STRN: variants seen among roughly 807,000 people sequenced by gnomAD.
STRN encodes the protein striatin, also known as protein phosphatase 2 regulatory subunit B'''alpha.
Under a neutral mutation model 96.3 loss-of-function variants are expected in STRN, and 53 were observed. That is an observed-to-expected ratio of 0.55 (90% confidence interval 0.44 to 0.69). STRN has a LOEUF of 0.69. Among genes scored for constraint, STRN ranks in the 30% least tolerant of loss-of-function variants. STRN has a pLI of 0.00. For missense variants in STRN, 987 were observed against 963.9 expected (o/e 1.02, Z -0.32); for synonymous variants, 428 against 355.9 (o/e 1.20, Z -2.28).
chr2:36,939,575 G>T (rs1392907344), intron 1 of STRN, among the ~76,000 whole-genome samples: 1 of 151,396 alleles, frequency 6.6e-6, no homozygotes, highest in Non-Finnish European at 1.5e-5. Flanking sequence ...CAGTGACAGG[G>T]TCTCAGTATG....
At chr2:36,950,705 T>A (rs545576950) in intron 1 of STRN, among the ~76,000 whole-genome samples, 2 of 152,264 alleles carry the variant, frequency 1.3e-5, no homozygotes, top group African/African-American at 2.4e-5. Context: ...ACCAAAAACC[T>A]TGATGAAAAA....
At position 36,966,434 on chromosome 2, in the gene STRN, G is replaced by A. The variant is rs768447356; in HGVS notation, c.30C>T (p.Phe10=). Residue 10 remains phenylalanine, a synonymous_variant, in exon 1 of 18, where the codon TTC becomes TTT. Coordinates refer to ENST00000263918, the MANE Select transcript of STRN (RefSeq NM_003162.4). MDEQAGPGV[F]FSNNHPGAGG... ...CGGCGCCCGGGTGGTTGTTGCTGAA[G>A]AAGACGCCGGGACCCGCCTGCTCGT... The A allele has an allele frequency of 4.1e-6, 6 of 1,466,564 alleles. No homozygotes were observed. Among genetic ancestry groups the A allele is most frequent in the African/African-American group, 2.9e-5 (2 of 68,036 alleles). 90.8% of individuals were successfully genotyped at this position (1,466,564 alleles called of 1,614,324 possible).
chr2:36,850,848 T>G (rs538001072), intron 16 of STRN, 152 bp downstream of exon 16: 118 of 559,832 alleles, frequency 2.1e-4, no homozygotes, highest in Middle Eastern at 4.8e-4. Context: ...CAGATTTGGA[T>G]AGAGTGAAGA....
rs1668470026 is a variant in STRN at position 36,861,181 on chromosome 2, G to A, written c.1620C>T (p.Ile540=). 1 of 1,613,810 alleles carries A rather than the reference G, an allele frequency of 6.2e-7. No homozygotes were observed. Among genetic ancestry groups the A allele is most frequent in the African/African-American group, 1.3e-5 (1 of 74,832 alleles). Residue 540 remains isoleucine, a synonymous_variant, in exon 13 of 18, where the codon ATC becomes ATT. Coordinates refer to ENST00000263918, the MANE Select transcript of STRN (RefSeq NM_003162.4). The stretch of plus-strand genomic sequence containing the variant: ...TGGGATTAGTGGTATTCCAGCCCTG[G>A]ATCAGTCCATCAGTACCACCACTGT... ...QCYSGGTDGL[I]QGWNTTNPNI... is the part of the protein sequence containing the mutation.
chr2:36,928,355 A>G (rs1466385163), intron 1 of STRN, among the ~76,000 whole-genome samples: 1 of 152,204 alleles, frequency 6.6e-6, no homozygotes, highest in Non-Finnish European at 1.5e-5. Flanking sequence ...AGGTAAAAAG[A>G]AAAAGAGGAA....
intron 1 of STRN, among the ~76,000 whole-genome samples, chr2:36,947,086 CAG>C (rs1664595781): frequency 6.6e-6 from 1 of 152,012 alleles, no homozygotes; most frequent in African/African-American, 2.4e-5. Flanking sequence ...TTAGTAGAGA[CAG>C]GGTTTTACCA....
intron 10 of STRN, among the ~76,000 whole-genome samples, chr2:36,870,952 T>A (rs1051465739): frequency 9.9e-5 from 15 of 152,268 alleles, no homozygotes; most frequent in African/African-American, 2.9e-4. Flanking sequence ...GTATGTGTAT[T>A]CATTTTTAAC....
chr2:36,903,892 T>C (rs778011873), intron 4 of STRN, among the ~76,000 whole-genome samples: 19 of 152,218 alleles, frequency 1.2e-4, no homozygotes, highest in Non-Finnish European at 2.2e-4. Context: ...TTTTAACAAA[T>C]AATATTTGAG....
chr2:36,883,286 C>G (rs1572646057), intron 9 of STRN, among the ~76,000 whole-genome samples: 2 of 152,064 alleles, frequency 1.3e-5, no homozygotes, highest in African/African-American at 4.8e-5. Flanking sequence ...AAAACCCCAT[C>G]TCTACTAAAA....
At chr2:36,862,305 CTTCT>C (rs1023454311) in intron 12 of STRN, among the ~76,000 whole-genome samples, 1 of 152,150 alleles carries the variant, frequency 6.6e-6, no homozygotes, top group Non-Finnish European at 1.5e-5. Flanking sequence ...GTAGTTCAAA[CTTCT>C]TTGAGAAATC....
chr2:36,964,331 A>G (rs1665104798), intron 1 of STRN, among the ~76,000 whole-genome samples: 1 of 151,906 alleles, frequency 6.6e-6, no homozygotes, highest in South Asian at 2.1e-4. Context: ...CTGGAAAAGA[A>G]ATTAAATTTT....
At chr2:36,905,417 G>C (rs757249387) in intron 4 of STRN, 123 bp downstream of exon 4, 7 of 819,038 alleles carry the variant, frequency 8.5e-6, no homozygotes, top group Non-Finnish European at 1.4e-5. Flanking sequence ...ATTCAATTAA[G>C]CTTTTTCACA....
intron 1 of STRN, among the ~76,000 whole-genome samples, chr2:36,937,686 A>C (rs1670740697): frequency 6.6e-6 from 1 of 151,818 alleles, no homozygotes; most frequent in Non-Finnish European, 1.5e-5. Context: ...AAAAGAAAGA[A>C]AAGAAAAAAA....
At chr2:36,943,386 CTA>C (rs72109513) in intron 1 of STRN, among the ~76,000 whole-genome samples, 6,586 of 148,832 alleles carry the variant, frequency 0.044, 301 homozygotes, top group African/African-American at 0.12. Flanking sequence ...GGGACTAGAA[CTA>C]TATATATATA....
chr2:36,902,212 A>G (rs1669701645), intron 5 of STRN, among the ~76,000 whole-genome samples: 1 of 152,230 alleles, frequency 6.6e-6, no homozygotes, highest in African/African-American at 2.4e-5. Flanking sequence ...GTTAAAAAAC[A>G]GTGTTACTTC....
chr2:36,853,557 C>T (rs1423386516), intron 15 of STRN, among the ~76,000 whole-genome samples: 1 of 152,200 alleles, frequency 6.6e-6, no homozygotes, highest in African/African-American at 2.4e-5. Context: ...ATGCAAAGAA[C>T]ACTACTCATA....
chr2:36,957,917 ATT>A (rs1188068591), intron 1 of STRN, among the ~76,000 whole-genome samples: 5 of 90,400 alleles, frequency 5.5e-5, no homozygotes, highest in Non-Finnish European at 6.8e-5. Context: ...CGCCCAGCTA[ATT>A]TTTTTTTTTT....
chr2:36,911,352 A>G (rs1255114616), intron 3 of STRN, among the ~76,000 whole-genome samples: 1 of 152,168 alleles, frequency 6.6e-6, no homozygotes, highest in Non-Finnish European at 1.5e-5. Context: ...CCAATTCATT[A>G]GTTCTTTTTT....
At chr2:36,922,062 G>A (rs1373287619) in intron 2 of STRN, among the ~76,000 whole-genome samples, 1 of 152,128 alleles carries the variant, frequency 6.6e-6, no homozygotes, top group Non-Finnish European at 1.5e-5. Context: ...AATATACACA[G>A]AGGTAGTTAG....
Sources: allele counts gnomAD v4.1 joint callset (sites outside exome capture counted in the v4.1 genomes callset), GRCh38; gene constraint gnomAD v4.1.1; transcripts MANE v1.5; gene names NCBI Gene and HGNC (gene_info 2026-07-23, HGNC 2026-07-21).